Variants in MDGA2 observed in about 807,000 individuals in gnomAD.
The protein encoded by MDGA2 is MAM domain-containing glycosylphosphatidylinositol anchor protein 2.
A neutral mutation model predicts 117.8 loss-of-function variants in MDGA2; 40 were observed. The ratio of observed to expected loss-of-function variants is 0.34; its 90% confidence interval spans 0.26 to 0.44. The LOEUF (loss-of-function observed/expected upper bound fraction) is 0.44. Ranked by LOEUF, MDGA2 falls within the 20% of genes least tolerant of loss-of-function variation. The pLI, the probability that MDGA2 is intolerant of heterozygous loss-of-function variation, is 1.00. For synonymous variants in MDGA2, 452 were observed against 439.0 expected, an observed-to-expected ratio of 1.03 and a Z score of -0.37; for missense variants, 1,123 against 1,250.6, an observed-to-expected ratio of 0.90 and a Z score of 1.54.
intron 1 of MDGA2, among the ~76,000 whole-genome samples, chr14:47,670,066 T>C: frequency 6.6e-6 from 1 of 152,196 alleles, no homozygotes; most frequent in Non-Finnish European, 1.5e-5. Flanking sequence ...ACCAAGGCCA[T>C]TTCTGTCCAG....
chr14:47,432,518 C>G (rs1464190780), intron 1 of MDGA2, among the ~76,000 whole-genome samples: 2 of 152,010 alleles, frequency 1.3e-5, no homozygotes, highest in African/African-American at 2.4e-5. Flanking sequence ...GCTGAAATTT[C>G]TCCATGGTAT....
Position 47,149,151 on chromosome 14 carries a change from A to G in MDGA2, c.596-4877T>C, listed in dbSNP as rs145156984. Reference sequence around the variant, plus strand: ...CCAAAAATACAAAAATTAGCCAGGCATGGTGGCAGGCACCTATAGTCCCAG... The same window carrying G: ...CCAAAAATACAAAAATTAGCCAGGCGTGGTGGCAGGCACCTATAGTCCCAG... On this transcript the variant is annotated intron_variant, in intron 3 of 16. Transcript: ENST00000399232. Among the ~76,000 whole-genome samples, 203 of 152,194 alleles carry G rather than the reference A, an allele frequency of 1.3e-3. 2 individuals are homozygous for G. The East Asian group carries it at 0.037, about 28-fold the overall frequency.
chr14:47,050,451 T>G (rs897256291), intron 7 of MDGA2, among the ~76,000 whole-genome samples: 4 of 152,042 alleles, frequency 2.6e-5, no homozygotes, highest in African/African-American at 9.7e-5. Flanking sequence ...TATCTTAAAT[T>G]TGGTGTTGAC....
chr14:46,871,470 C>G (rs1881994539), intron 14 of MDGA2: 1 of 151,872 alleles, frequency 6.6e-6, no homozygotes, highest in African/African-American at 2.4e-5. Context: ...ATTTTGTTAT[C>G]TATGAAACAG....
At chr14:47,537,573 T>TA (rs1566504353) in intron 1 of MDGA2, among the ~76,000 whole-genome samples, 5 of 57,106 alleles carry the variant, frequency 8.8e-5, no homozygotes, top group African/African-American at 2.9e-4. Context: ...CTTCTCTCTG[T>TA]TAAAAAAAAA....
At chr14:47,521,637 A>G (rs11850435) in intron 1 of MDGA2, among the ~76,000 whole-genome samples, 54,857 of 151,988 alleles carry the variant, frequency 0.36, 10,152 homozygotes, top group East Asian at 0.59. Context: ...TTATGTTATT[A>G]AAAATTGTGA....
chr14:46,940,850 G>A (rs1431120615), intron 9 of MDGA2, among the ~76,000 whole-genome samples: 1 of 152,180 alleles, frequency 6.6e-6, no homozygotes, highest in Non-Finnish European at 1.5e-5. Flanking sequence ...CGCTGAATAT[G>A]AATGTGCTGA....
chr14:47,591,401 A>G (rs781234638), intron 1 of MDGA2, among the ~76,000 whole-genome samples: 100 of 152,274 alleles, frequency 6.6e-4, no homozygotes, highest in Non-Finnish European at 5.3e-4. Flanking sequence ...TTCTGAAACC[A>G]TTCCAAACAA....
chr14:47,212,581 C>G (rs2139486338), intron 3 of MDGA2, among the ~76,000 whole-genome samples: 1 of 152,206 alleles, frequency 6.6e-6, no homozygotes, highest in African/African-American at 2.4e-5. Flanking sequence ...AAGTGTTCAA[C>G]TTCTGTTTAT....
chr14:46,997,440 A>G (rs985703150), intron 8 of MDGA2, among the ~76,000 whole-genome samples: 43 of 152,192 alleles, frequency 2.8e-4, no homozygotes, highest in African/African-American at 1.0e-3. Flanking sequence ...TTGTTATAAC[A>G]TCAGGTTAGA....
At chr14:47,050,576 T>C (rs1889422767) in intron 7 of MDGA2, among the ~76,000 whole-genome samples, 2 of 151,998 alleles carry the variant, frequency 1.3e-5, no homozygotes, top group Non-Finnish European at 1.5e-5. Context: ...CCTTCATTTG[T>C]GTGCTGTAAA....
chr14:46,938,256 C>T (rs181078363), intron 9 of MDGA2, among the ~76,000 whole-genome samples: 81 of 151,660 alleles, frequency 5.3e-4, no homozygotes, highest in Non-Finnish European at 8.6e-4. Context: ...AGATATCATC[C>T]GGCTGGGCAT....
chr14:47,028,523 C>CA (rs923387748), intron 8 of MDGA2, among the ~76,000 whole-genome samples: 1 of 152,094 alleles, frequency 6.6e-6, no homozygotes, highest in Admixed American at 6.5e-5. Flanking sequence ...TGTGTGTCTT[C>CA]AAAATGAAGT....
intron 1 of MDGA2, among the ~76,000 whole-genome samples, chr14:47,644,166 CT>C (rs1897480939): frequency 6.6e-6 from 1 of 152,124 alleles, no homozygotes; most frequent in Admixed American, 6.5e-5. Flanking sequence ...GATTCCCACA[CT>C]CTAATCCCTA....
chr14:47,294,701 A>C (rs1889004441), intron 2 of MDGA2, among the ~76,000 whole-genome samples: 2 of 152,178 alleles, frequency 1.3e-5, no homozygotes, highest in Admixed American at 1.3e-4. Flanking sequence ...ATGCACTCTC[A>C]TTTTGTAAAA....
intron 2 of MDGA2, among the ~76,000 whole-genome samples, chr14:47,253,695 A>T (rs182306934): frequency 1.3e-5 from 2 of 152,222 alleles, no homozygotes; most frequent in Non-Finnish European, 2.9e-5. Context: ...CCATTCAGGG[A>T]TCTGGAGGAT....
chr14:47,396,968 A>T (rs1389703557), intron 1 of MDGA2, among the ~76,000 whole-genome samples: 2 of 152,178 alleles, frequency 1.3e-5, no homozygotes, highest in African/African-American at 4.8e-5. Flanking sequence ...TTAACCCAGC[A>T]ATCCCATTAC....
intron 1 of MDGA2, among the ~76,000 whole-genome samples, chr14:47,662,380 T>C (rs1897866745): frequency 6.6e-6 from 1 of 152,184 alleles, no homozygotes; most frequent in African/African-American, 2.4e-5. Flanking sequence ...GTATTATGAA[T>C]GTGTGTATGT....
rs12589286 is a variant in MDGA2, at chr14:47,605,211, A to T, written c.280+69306T>A. 0.019 allele frequency among the ~76,000 whole-genome samples: 2,900 copies of T among 152,292 alleles called. 392 individuals carry two copies. The East Asian group carries it at 0.37, about 19-fold the overall frequency. On this transcript the variant is annotated intron_variant, in intron 1 of 16. Coordinates refer to ENST00000399232, the MANE Select transcript of MDGA2 (RefSeq NM_001113498.3). ...ATCATTTTTTTTCAATGAGTAACAC[A>T]GCACTTGACCAGGACCCCATGAATT...
Sources: allele counts gnomAD v4.1 joint callset (sites outside exome capture counted in the v4.1 genomes callset), GRCh38; gene constraint gnomAD v4.1.1; transcripts MANE v1.5; gene names NCBI Gene and HGNC (gene_info 2026-07-23, HGNC 2026-07-21).